The following CTNNA2 variants were observed in gnomAD, a reference collection of about 807,000 sequenced individuals.
CTNNA2 encodes the protein catenin alpha-2.
CTNNA2 carries 42 observed loss-of-function variants against 101.0 expected under a neutral mutation model. The observed-to-expected ratio is 0.42, with a 90% CI of 0.32 to 0.54. CTNNA2 has a LOEUF of 0.54. Among genes scored for constraint, CTNNA2 ranks in the 20% least tolerant of loss-of-function variants. The probability of loss-of-function intolerance (pLI) is 0.14; values close to 1 mark genes in which losing one functional copy is unlikely to be tolerated. For missense variants in CTNNA2, 871 were observed against 1,223.1 expected (o/e 0.71, Z 4.29); for synonymous variants, 450 against 456.4 (o/e 0.99, Z 0.18).
intron 7 of CTNNA2, among the ~76,000 whole-genome samples, chr2:80,320,204 C>A (rs1678543497): frequency 6.6e-6 from 1 of 152,186 alleles, no homozygotes; most frequent in African/African-American, 2.4e-5. Flanking sequence ...GTGATACATA[C>A]ACAGTTGGTT....
At chr2:79,541,165 A>G (rs1673383157) in intron 1 of CTNNA2, among the ~76,000 whole-genome samples, 1 of 151,358 alleles carries the variant, frequency 6.6e-6, no homozygotes, top group South Asian at 2.1e-4. Context: ...ATTCATGTGT[A>G]TAAGTATAAA....
intron 8 of CTNNA2, among the ~76,000 whole-genome samples, chr2:80,402,253 C>T (rs893647811): frequency 6.6e-6 from 1 of 152,200 alleles, no homozygotes; most frequent in African/African-American, 2.4e-5. Flanking sequence ...GGGTGCACCA[C>T]CTTCCCTGTA....
At chr2:79,732,335 TA>T (rs1687253188) in intron 2 of CTNNA2, among the ~76,000 whole-genome samples, 1 of 152,020 alleles carries the variant, frequency 6.6e-6, no homozygotes. Flanking sequence ...CTTGACGATT[TA>T]AAATTTTTTC....
chr2:80,456,661 A>G (rs1033903557), intron 9 of CTNNA2, among the ~76,000 whole-genome samples: 2 of 152,204 alleles, frequency 1.3e-5, no homozygotes, highest in Non-Finnish European at 1.5e-5. Context: ...AACCCAGGCA[A>G]TGCATTTTAG....
intron 1 of CTNNA2, among the ~76,000 whole-genome samples, chr2:79,189,809 G>A (rs1005902187): frequency 4.9e-4 from 74 of 152,234 alleles, no homozygotes; most frequent in Non-Finnish European, 8.7e-4. Flanking sequence ...CTTGAGGAAG[G>A]GTCCTGGGCT....
intron 3 of CTNNA2, among the ~76,000 whole-genome samples, chr2:79,792,530 T>G (rs1215880600): frequency 6.6e-6 from 1 of 152,194 alleles, no homozygotes; most frequent in Non-Finnish European, 1.5e-5. Context: ...TCTGGATGTG[T>G]TCTTACAAGT....
intron 1 of CTNNA2, among the ~76,000 whole-genome samples, chr2:79,563,575 A>C (rs1674928015): frequency 1.3e-5 from 2 of 152,172 alleles, no homozygotes; most frequent in African/African-American, 4.8e-5. Context: ...GGCAGGTTCC[A>C]TATTTGGTCA....
intron 3 of CTNNA2, among the ~76,000 whole-genome samples, chr2:79,811,997 AAATTTCGATTTCC>A (rs1380445577): frequency 6.6e-6 from 1 of 152,206 alleles, no homozygotes; most frequent in African/African-American, 2.4e-5. Flanking sequence ...TACTTTTAAA[AAATTTCGATTTCC>A]AATTGTTTAC....
At chr2:80,601,483 G>A (rs989849465) in intron 15 of CTNNA2, 16 of 126,686 alleles carry the variant, frequency 1.3e-4, no homozygotes, top group African/African-American at 4.8e-4. Context: ...AAATCAGACT[G>A]TTTTGATTTT....
At chr2:79,361,266 GACAA>G (rs1433196124) in intron 3 of CTNNA2, among the ~76,000 whole-genome samples, 6 of 152,116 alleles carry the variant, frequency 3.9e-5, no homozygotes, top group Admixed American at 6.5e-5. Flanking sequence ...TAAAGATTTA[GACAA>G]ACAAACAAGA....
At chr2:80,105,657 G>T (rs1191954661) in intron 7 of CTNNA2, among the ~76,000 whole-genome samples, 4 of 152,068 alleles carry the variant, frequency 2.6e-5, no homozygotes, top group Non-Finnish European at 1.5e-5. Context: ...TTGAGCCTAG[G>T]AGGTGGAGGC....
chr2:80,245,260 G>C (rs528703183), intron 7 of CTNNA2, among the ~76,000 whole-genome samples: 40 of 152,132 alleles, frequency 2.6e-4, no homozygotes, highest in Non-Finnish European at 5.0e-4. Context: ...TCTCTTATTC[G>C]AGTCATTGGC....
chr2:80,138,006 T>A (rs1441790588), intron 7 of CTNNA2, among the ~76,000 whole-genome samples: 2 of 152,132 alleles, frequency 1.3e-5, no homozygotes, highest in Admixed American at 6.6e-5. Context: ...CAGTTTTGTG[T>A]CAATTTTACA....
At chr2:79,308,258 C>G (rs1676291318) in intron 2 of CTNNA2, among the ~76,000 whole-genome samples, 1 of 152,136 alleles carries the variant, frequency 6.6e-6, no homozygotes, top group African/African-American at 2.4e-5. Flanking sequence ...GTTGGCCAGG[C>G]TAGTCTCAAA....
chr2:80,094,483 A>G (rs1284837439), intron 7 of CTNNA2, among the ~76,000 whole-genome samples: 1 of 152,206 alleles, frequency 6.6e-6, no homozygotes, highest in African/African-American at 2.4e-5. Flanking sequence ...TGACTTGGCA[A>G]TGCGGGCTCT....
chr2:80,588,159 T>G (rs1696133843), intron 14 of CTNNA2, among the ~76,000 whole-genome samples: 1 of 152,196 alleles, frequency 6.6e-6, no homozygotes, highest in African/African-American at 2.4e-5. Context: ...TCACAGCCAA[T>G]AACTCTGTAA....
chr2:79,526,426 A>G (rs961636370), intron 1 of CTNNA2, among the ~76,000 whole-genome samples: 2 of 151,488 alleles, frequency 1.3e-5, no homozygotes, highest in Non-Finnish European at 2.9e-5. Context: ...TAGAGATTCA[A>G]TGCTATTGCT....
At position 79,980,149 on chromosome 2, in the gene CTNNA2, A is replaced by T. The variant is rs189086726; in HGVS notation, c.1056+70352A>T. On this transcript the variant is annotated intron_variant, in intron 7 of 18. Coordinates refer to ENST00000402739, the MANE Select transcript of CTNNA2 (RefSeq NM_001282597.3). The stretch of plus-strand genomic sequence containing the variant: ...AATTTCTTTTTCTTCTAGACCCAGT[A>T]ACTCTTGTTGTTCTATGATTAAGTA... Among the ~76,000 whole-genome samples, 23 of 152,280 alleles carry T rather than the reference A, an allele frequency of 1.5e-4. No individual in the cohort carries two copies. The East Asian group carries it at 3.5e-3, about 23-fold the overall frequency.
intron 2 of CTNNA2, among the ~76,000 whole-genome samples, chr2:79,663,165 A>C (rs1185908476): frequency 1.3e-5 from 2 of 151,798 alleles, no homozygotes; most frequent in Non-Finnish European, 2.9e-5. Flanking sequence ...CCACTTTCCA[A>C]CTCTGCTGCT....
Sources: gnomAD v4.1 joint callset for allele counts (sites outside exome capture counted in the v4.1 genomes callset) on GRCh38, gnomAD v4.1.1 for gene constraint, MANE v1.5 for transcripts, NCBI Gene and HGNC (gene_info 2026-07-23, HGNC 2026-07-21) for gene names.